ZNF875: variants seen among roughly 807,000 people sequenced by gnomAD.
ZNF875 encodes the protein HKR1, GLI-Kruppel zinc finger family member.
Under a neutral mutation model 11.2 loss-of-function variants are expected in ZNF875, and 14 were observed. That is an observed-to-expected ratio of 1.26 (90% CI 0.83 to 1.96). The LOEUF is 1.96. ZNF875 is among the 30% of genes most tolerant of loss of function. ZNF875 has a pLI of 0.00. For synonymous variants in ZNF875, 301 were observed against 281.1 expected, an observed-to-expected ratio of 1.07 and a Z score of -0.71; for missense variants, 752 against 760.4, an observed-to-expected ratio of 0.99 and a Z score of 0.13.
chr19:37,355,594 C>T (rs1449933002), intron 4 of ZNF875, among the ~76,000 whole-genome samples: 1 of 152,040 alleles, frequency 6.6e-6, no homozygotes, highest in African/African-American at 2.4e-5. Flanking sequence ...AGTCATTTTG[C>T]CTGTTATCTA....
chr19:37,318,824 A>G (rs982556208), intron 1 of ZNF875, among the ~76,000 whole-genome samples: 1 of 152,036 alleles, frequency 6.6e-6, no homozygotes, highest in Non-Finnish European at 1.5e-5. Flanking sequence ...CCCAGCTTAT[A>G]AAATCATATT....
chr19:37,323,662 A>C (rs1197498970), intron 3 of ZNF875: 3 of 152,342 alleles, frequency 2.0e-5, no homozygotes, highest in Non-Finnish European at 4.4e-5. Context: ...TCAGGTGGAC[A>C]GTAGGGAAGT....
At chr19:37,317,798 C>G (rs566483668), upstream of ZNF875, 1 of 152,510 alleles carries the variant, frequency 6.6e-6, no homozygotes, top group African/African-American at 2.4e-5. Flanking sequence ...AGCGTCCCTT[C>G]CTTTTGTGTT....
intron 4 of ZNF875, among the ~76,000 whole-genome samples, chr19:37,355,299 C>T (rs546293049): frequency 6.6e-6 from 1 of 152,262 alleles, no homozygotes; most frequent in East Asian, 1.9e-4. Flanking sequence ...AAGCGATTCT[C>T]CTGCCTCAGC....
At chr19:37,317,927 T>G (rs760480538) in exon 1 of ZNF875, 1 of 154,578 alleles carries the variant, frequency 6.5e-6, no homozygotes, top group Non-Finnish European at 1.4e-5. Context: ...GCAGATGGCG[T>G]CCGAGTGCAC....
At chr19:37,354,357 G>A (rs2038529598) in intron 4 of ZNF875, among the ~76,000 whole-genome samples, 1 of 145,452 alleles carries the variant, frequency 6.9e-6, no homozygotes, top group African/African-American at 2.6e-5. Context: ...CCTTTCTGTT[G>A]CAATTTTTTG....
chr19:37,316,378 TA>T (rs1234977701), upstream of ZNF875, among the ~76,000 whole-genome samples: 2 of 152,240 alleles, frequency 1.3e-5, no homozygotes, highest in Non-Finnish European at 2.9e-5. Context: ...TTTGTTTATT[TA>T]TTTTTTTGAG....
intron 4 of ZNF875, among the ~76,000 whole-genome samples, chr19:37,355,933 C>G (rs991967948): frequency 7.2e-4 from 109 of 152,246 alleles, no homozygotes; most frequent in African/African-American, 2.6e-3. Flanking sequence ...TACCTCCATC[C>G]TTTTTCCCCT....
At chr19:37,353,852 G>A (rs2038382660) in intron 4 of ZNF875, among the ~76,000 whole-genome samples, 1 of 152,102 alleles carries the variant, frequency 6.6e-6, no homozygotes, top group Non-Finnish European at 1.5e-5. Context: ...GTTTCTATGA[G>A]CCGTTTTCTT....
chr19:37,334,620 C>T, upstream of ZNF875: 3 of 453,688 alleles, frequency 6.6e-6, no homozygotes, highest in Non-Finnish European at 1.3e-5. Context: ...CCTCCCTACC[C>T]TTCAGTGTGT....
intron 2 of ZNF875, among the ~76,000 whole-genome samples, chr19:37,345,770 AC>A (rs2036641325): frequency 6.6e-6 from 1 of 151,846 alleles, no homozygotes; most frequent in African/African-American, 2.4e-5. Flanking sequence ...GTCAAATTAA[AC>A]CCCTCTATGG....
chr19:37,334,407 C>T (rs113164297), upstream of ZNF875, among the ~76,000 whole-genome samples: 1 of 152,350 alleles, frequency 6.6e-6, no homozygotes, highest in African/African-American at 2.4e-5. Context: ...GGCAGTCCCG[C>T]GATGCCTTCG....
chr19:37,355,951 A>T (rs764133290), intron 4 of ZNF875, among the ~76,000 whole-genome samples: 146 of 152,116 alleles, frequency 9.6e-4, no homozygotes, highest in Non-Finnish European at 1.9e-3. Context: ...CCTGTTTTGG[A>T]GTCCCCAGTG....
Position 37,363,165 on chromosome 19 carries a change from A to G in ZNF875, c.1313A>G (p.Lys438Arg), listed in dbSNP as rs1168159985. 6.2e-7 allele frequency: 1 copy of G among 1,608,160 alleles called. No individual in the cohort carries two copies. The highest frequency in any genetic ancestry group is 1.1e-5 in the South Asian group (1 of 90,730). The change falls in exon 5 of 5, where the codon AAA becomes AGA. Residue 438 changes from lysine (K) to arginine (R), a missense_variant. Transcript: ENST00000392153. ...CACTTTAGCTGGAAATCAAACCTCA[A>G]AACACACCAGAGGACACACTCAGGG... Reference protein sequence around the residue: ...GRHFSWKSNLKTHQRTHSGVK... With the variant: ...GRHFSWKSNLRTHQRTHSGVK...
chr19:37,355,567 A>G (rs1349455025), intron 4 of ZNF875, among the ~76,000 whole-genome samples: 2 of 152,210 alleles, frequency 1.3e-5, no homozygotes, highest in South Asian at 2.1e-4. Context: ...CAGCCTCAGT[A>G]AACTTAACTT....
chr19:37,338,958 G>A (rs1358509087), intron 2 of ZNF875, among the ~76,000 whole-genome samples: 1 of 152,156 alleles, frequency 6.6e-6, no homozygotes, highest in African/African-American at 2.4e-5. Flanking sequence ...ATTAAAATTT[G>A]TGTTAAATTT....
At chr19:37,318,347 C>T (rs141188612) in intron 1 of ZNF875, among the ~76,000 whole-genome samples, 31 of 151,972 alleles carry the variant, frequency 2.0e-4, no homozygotes, top group African/African-American at 7.5e-4. Context: ...ATAAAGCACC[C>T]CAACCTTTAA....
chr19:37,341,190 G>A (rs958902816), intron 2 of ZNF875, among the ~76,000 whole-genome samples: 7 of 152,146 alleles, frequency 4.6e-5, no homozygotes, highest in African/African-American at 9.7e-5. Flanking sequence ...TTCATATCAC[G>A]TGATCCCTCT....
chr19:37,351,396 A>AT (rs1354572488), intron 4 of ZNF875, among the ~76,000 whole-genome samples: 2 of 151,918 alleles, frequency 1.3e-5, no homozygotes, highest in Non-Finnish European at 2.9e-5. Context: ...GGTTTCATTG[A>AT]TTTTCTGTAG....
Sources: allele counts gnomAD v4.1 joint callset (sites outside exome capture counted in the v4.1 genomes callset), GRCh38; gene constraint gnomAD v4.1.1; transcripts MANE v1.5; gene names NCBI Gene and HGNC (gene_info 2026-07-23, HGNC 2026-07-21).